IP6K1: variants seen among roughly 807,000 people sequenced by gnomAD.
The protein encoded by IP6K1 is ATP:1D-myo-inositol-hexakisphosphate phosphotransferase.
IP6K1 carries 13 observed loss-of-function variants against 38.3 expected under a neutral mutation model. The ratio of observed to expected loss-of-function variants is 0.34; its 90% CI spans 0.22 to 0.54. The LOEUF is 0.54. Among genes scored for constraint, IP6K1 ranks in the 20% least tolerant of loss-of-function variants. The pLI is 0.92. For missense variants in IP6K1, 397 were observed against 599.8 expected, an observed-to-expected ratio of 0.66 and a Z score of 3.53; for synonymous variants, 212 against 229.9, an observed-to-expected ratio of 0.92 and a Z score of 0.70.
intron 4 of IP6K1, among the ~76,000 whole-genome samples, chr3:49,728,963 T>C (rs1222818765): frequency 4.0e-5 from 6 of 151,130 alleles, no homozygotes; most frequent in Non-Finnish European, 5.9e-5. Flanking sequence ...CTAATTTTTT[T>C]TTTTTTTTTA....
intron 1 of IP6K1, among the ~76,000 whole-genome samples, chr3:49,773,312 T>G (rs2080975601): frequency 6.6e-6 from 1 of 152,140 alleles, no homozygotes; most frequent in Admixed American, 6.6e-5. Context: ...GCAAAATATG[T>G]AAGATAGCCA....
At chr3:49,773,177 A>C (rs1413160931) in intron 1 of IP6K1, among the ~76,000 whole-genome samples, 3 of 152,144 alleles carry the variant, frequency 2.0e-5, no homozygotes, top group African/African-American at 7.2e-5. Flanking sequence ...GTAATACTGT[A>C]AACAGTCAAG....
chr3:49,763,643 G>A (rs1251555981), intron 1 of IP6K1, among the ~76,000 whole-genome samples: 1 of 151,982 alleles, frequency 6.6e-6, no homozygotes, highest in Non-Finnish European at 1.5e-5. Flanking sequence ...CAGAAATAAG[G>A]AGAAAAGCCA....
chr3:49,752,778 G>A (rs942044103), intron 1 of IP6K1, among the ~76,000 whole-genome samples: 3 of 143,172 alleles, frequency 2.1e-5, no homozygotes, highest in African/African-American at 5.3e-5. Flanking sequence ...TTTTGAGACA[G>A]AGTCTCACTT....
At chr3:49,733,085 T>G in intron 3 of IP6K1, 113 bp from the exon 4 acceptor site, 1 of 687,572 alleles carries the variant, frequency 1.5e-6, no homozygotes, top group South Asian at 2.3e-5. Flanking sequence ...ACCCTGCTAA[T>G]GGGTTGCATT....
intron 1 of IP6K1, among the ~76,000 whole-genome samples, chr3:49,749,556 T>C (rs1321336285): frequency 6.6e-6 from 1 of 152,198 alleles, no homozygotes; most frequent in African/African-American, 2.4e-5. Context: ...TTTTTTGTTG[T>C]TGTTGTTTTT....
At chr3:49,750,348 A>C (rs1209991075) in intron 1 of IP6K1, among the ~76,000 whole-genome samples, 1 of 152,112 alleles carries the variant, frequency 6.6e-6, no homozygotes, top group Non-Finnish European at 1.5e-5. Flanking sequence ...GGTGGCTGGG[A>C]AAAGATAGGG....
intron 1 of IP6K1, among the ~76,000 whole-genome samples, chr3:49,753,412 C>A (rs936367459): frequency 6.6e-6 from 1 of 152,170 alleles, no homozygotes; most frequent in Non-Finnish European, 1.5e-5. Flanking sequence ...CCTGCACCCT[C>A]CACCCCCTTT....
intron 1 of IP6K1, among the ~76,000 whole-genome samples, chr3:49,771,212 A>ACC (rs1487887477): frequency 3.2e-5 from 4 of 126,736 alleles, no homozygotes; most frequent in Non-Finnish European, 3.4e-5. Flanking sequence ...AAAAAAAAAA[A>ACC]CCCTGCCAGG....
At chr3:49,756,893 A>T (rs1699523874) in intron 1 of IP6K1, among the ~76,000 whole-genome samples, 2 of 125,400 alleles carry the variant, frequency 1.6e-5, no homozygotes, top group African/African-American at 5.5e-5. Context: ...TCTGCTCATG[A>T]TTATGCTTTA....
At chr3:49,757,503 C>T (rs2080833853) in intron 1 of IP6K1, among the ~76,000 whole-genome samples, 1 of 152,034 alleles carries the variant, frequency 6.6e-6, no homozygotes, top group Non-Finnish European at 1.5e-5. Context: ...ATGTGTGGAT[C>T]GCCTGAGCTC....
intron 1 of IP6K1, among the ~76,000 whole-genome samples, chr3:49,784,109 C>T (rs1449337770): frequency 6.6e-6 from 1 of 151,992 alleles, no homozygotes; most frequent in Non-Finnish European, 1.5e-5. Flanking sequence ...CTCCGCTTTC[C>T]GGGTTCAGGT....
In IP6K1 at chr3:49,732,851, G is replaced by A. The variant is rs1382298276; in HGVS notation, c.556C>T (p.Arg186Cys). 3.1e-6 allele frequency: 5 copies of A among 1,614,088 alleles called. No individual in the cohort carries two copies. The highest frequency in any genetic ancestry group is 2.5e-6 in the Non-Finnish European group (3 of 1,179,978). Residue 186 changes from arginine (R) to cysteine (C), a missense_variant, in exon 4 of 6, where the codon CGT becomes TGT. Physicochemically the swap from Arg to Cys is radical, Grantham distance 180. Coordinates refer to ENST00000321599, the MANE Select transcript of IP6K1 (RefSeq NM_153273.4). ...CGGCTCAGCTGCTGCTTGTGACAAC[G>A]CAGGCTCCAGGGGTTGTGGCTGATC... is the stretch of plus-strand genomic sequence containing the variant. ...EKISHNPWSLRCHKQQLSRMR... is the reference protein window; with the variant it reads ...EKISHNPWSLCCHKQQLSRMR...
chr3:49,759,372 G>A (rs1026056923), intron 1 of IP6K1, among the ~76,000 whole-genome samples: 1 of 152,170 alleles, frequency 6.6e-6, no homozygotes, highest in Non-Finnish European at 1.5e-5. Context: ...CAACTCCAAT[G>A]AGTTTTATTC....
At chr3:49,733,251 AC>A (rs2080579374) in intron 3 of IP6K1, among the ~76,000 whole-genome samples, 1 of 139,708 alleles carries the variant, frequency 7.2e-6, no homozygotes, top group African/African-American at 2.6e-5. Flanking sequence ...TAGGATGGCT[AC>A]AATCAAAGAA....
intron 2 of IP6K1, among the ~76,000 whole-genome samples, chr3:49,740,158 A>G (rs2080653067): frequency 6.6e-6 from 1 of 152,108 alleles, no homozygotes; most frequent in African/African-American, 2.4e-5. Flanking sequence ...TCTCTATAAA[A>G]TATAAAAATA....
intron 1 of IP6K1, among the ~76,000 whole-genome samples, chr3:49,777,672 T>G (rs1192778257): frequency 6.6e-6 from 1 of 151,480 alleles, no homozygotes; most frequent in Non-Finnish European, 1.5e-5. Flanking sequence ...CCCAGCACTT[T>G]GGGAAGCCGA....
At chr3:49,736,311 A>C (rs2080611546) in intron 3 of IP6K1, among the ~76,000 whole-genome samples, 1 of 152,158 alleles carries the variant, frequency 6.6e-6, no homozygotes, top group African/African-American at 2.4e-5. Context: ...AATTTTCAGA[A>C]CATTTCATGA....
chr3:49,768,080 G>C (rs1014428467), intron 1 of IP6K1, among the ~76,000 whole-genome samples: 1 of 150,246 alleles, frequency 6.7e-6, no homozygotes, highest in African/African-American at 2.4e-5. Flanking sequence ...AGGATATGAA[G>C]AAATTGTAAC....
Sources: allele counts gnomAD v4.1 joint callset (sites outside exome capture counted in the v4.1 genomes callset), GRCh38; gene constraint gnomAD v4.1.1; transcripts MANE v1.5; gene names NCBI Gene and HGNC (gene_info 2026-07-23, HGNC 2026-07-21).